Variants in TSHR observed in about 807,000 individuals in gnomAD.
TSHR encodes the protein thyrotropin receptor.
In TSHR, 51 loss-of-function variants were observed where a neutral mutation model predicts 64.1. The ratio of observed to expected loss-of-function variants is 0.80; its 90% CI spans 0.64 to 1.01. TSHR has a LOEUF of 1.01. Ranked by LOEUF, TSHR falls within the 50% of genes least tolerant of loss-of-function variation. The pLI is 0.00. For missense variants in TSHR, 877 were observed against 942.8 expected (o/e 0.93, Z 0.91); for synonymous variants, 361 against 361.9 (o/e 1.00, Z 0.03).
intron 1 of TSHR, chr14:81,050,278 C>T (rs1885363745): frequency 6.6e-6 from 1 of 152,194 alleles, no homozygotes; most frequent in African/African-American, 2.4e-5. Context: ...AAAGTTAAAT[C>T]AGTGTTCAGA....
intron 8 of TSHR, among the ~76,000 whole-genome samples, chr14:81,119,576 T>C (rs1450030931): frequency 8.2e-6 from 1 of 122,238 alleles, no homozygotes. Flanking sequence ...TTTACATTGT[T>C]GGTGGGACTG....
intron 1 of TSHR, among the ~76,000 whole-genome samples, chr14:81,002,058 C>T (rs1889353848): frequency 4.6e-5 from 7 of 152,130 alleles, no homozygotes; most frequent in Admixed American, 4.6e-4. Context: ...TTGGCCCAAA[C>T]TGACATGAGG....
chr14:81,003,472 T>C (rs1889447288), intron 1 of TSHR: 1 of 209,770 alleles, frequency 4.8e-6, no homozygotes, highest in African/African-American at 2.3e-5. Context: ...GTCAGAATGG[T>C]GCACGCTGTT....
intron 1 of TSHR, chr14:80,957,832 G>T (rs1162830807): frequency 6.6e-6 from 1 of 152,224 alleles, no homozygotes; most frequent in Non-Finnish European, 1.5e-5. Flanking sequence ...TCAACTAGGT[G>T]CTTTCTAGGT....
At chr14:81,110,489 G>A (rs1890179330) in intron 8 of TSHR, among the ~76,000 whole-genome samples, 1 of 152,216 alleles carries the variant, frequency 6.6e-6, no homozygotes, top group South Asian at 2.1e-4. Flanking sequence ...CTGACACTTT[G>A]ATCTTGGACT....
At chr14:81,101,395 A>G (rs1044171285) in intron 7 of TSHR, among the ~76,000 whole-genome samples, 7 of 152,282 alleles carry the variant, frequency 4.6e-5, no homozygotes, top group Non-Finnish European at 7.4e-5. Context: ...AATACAAACA[A>G]TGTATAATGA....
At chr14:81,061,966 GA>G (rs1566787330) in intron 1 of TSHR, among the ~76,000 whole-genome samples, 181 bp from the exon 2 acceptor site, 1 of 152,020 alleles carries the variant, frequency 6.6e-6, no homozygotes, top group African/African-American at 2.4e-5. Flanking sequence ...CTTATTGGGA[GA>G]AAAAAATGTG....
intron 1 of TSHR, among the ~76,000 whole-genome samples, chr14:81,028,831 C>T (rs1438746947): frequency 6.6e-6 from 1 of 151,916 alleles, no homozygotes; most frequent in Non-Finnish European, 1.5e-5. Context: ...AATAATCAGA[C>T]ATTTTACAAT....
intron 1 of TSHR, among the ~76,000 whole-genome samples, chr14:80,977,167 T>C (rs1310877183): frequency 6.6e-6 from 1 of 152,260 alleles, no homozygotes; most frequent in Non-Finnish European, 1.5e-5. Context: ...TGGAATTCTA[T>C]GTCTGTGGAT....
intron 1 of TSHR, among the ~76,000 whole-genome samples, chr14:80,990,708 G>A (rs1455156121): frequency 3.3e-5 from 5 of 151,958 alleles, no homozygotes; most frequent in Non-Finnish European, 5.9e-5. Flanking sequence ...AGGCTGGAGC[G>A]CAATGGCACA....
intron 8 of TSHR, among the ~76,000 whole-genome samples, chr14:81,127,817 C>T (rs1205592174): frequency 6.6e-6 from 1 of 152,210 alleles, no homozygotes; most frequent in Non-Finnish European, 1.5e-5. Context: ...TGTGAGTCCA[C>T]ATTGGGCAAC....
rs1462976412 is a variant in TSHR at position 80,999,929 on chromosome 14, TTTTTTC to T, written c.170+44085_170+44090del. 2.3e-4 allele frequency among the ~76,000 whole-genome samples: 35 copies of T among 149,392 alleles called. 1 individual carries two copies. Among genetic ancestry groups the T allele is most frequent in the Non-Finnish European group, 3.0e-5 (2 of 67,610 alleles). ...GGAAGACTACCAAATTTTTTTTCTT[TTTTTTC>T]TTTTTTTTTTTTTTGAGACAGACTC... On this transcript the variant is annotated intron_variant, in intron 1 of 9. Transcript: ENST00000298171.
intron 8 of TSHR, among the ~76,000 whole-genome samples, chr14:81,132,919 A>G (rs965384104): frequency 6.6e-6 from 1 of 152,228 alleles, no homozygotes; most frequent in Non-Finnish European, 1.5e-5. Context: ...ACTATTTAAA[A>G]ATCCTGGATT....
intron 1 of TSHR, among the ~76,000 whole-genome samples, chr14:81,055,212 T>C (rs1885699306): frequency 6.6e-6 from 1 of 152,176 alleles, no homozygotes; most frequent in South Asian, 2.1e-4. Context: ...CCACATGGTA[T>C]AGAGCCTGTG....
chr14:81,091,236 A>G, intron 5 of TSHR, 93 bp downstream of exon 5: 2 of 1,155,800 alleles, frequency 1.7e-6, no homozygotes, highest in South Asian at 1.2e-5. Context: ...AGATAAGTAA[A>G]GCAATTGTTT....
intron 1 of TSHR, among the ~76,000 whole-genome samples, chr14:81,017,169 A>G (rs1883459045): frequency 6.6e-6 from 1 of 152,232 alleles, no homozygotes; most frequent in South Asian, 2.1e-4. Context: ...GCGTTCCAAT[A>G]ATGGAACACT....
At chr14:81,094,679 ATTTTTT>A (rs1162262371) in intron 6 of TSHR, among the ~76,000 whole-genome samples, 4 of 76,242 alleles carry the variant, frequency 5.2e-5, no homozygotes, top group Admixed American at 4.0e-4. Flanking sequence ...TATTTTTTTA[ATTTTTT>A]TTTTTTTTTT....
intron 7 of TSHR, chr14:81,104,930 A>G: frequency 4.1e-6 from 4 of 985,446 alleles, no homozygotes; most frequent in South Asian, 9.4e-5. Flanking sequence ...TTATTTTTAA[A>G]GGAAATACCA....
At chr14:81,010,914 G>A (rs942370419) in intron 1 of TSHR, among the ~76,000 whole-genome samples, 10 of 150,508 alleles carry the variant, frequency 6.6e-5, no homozygotes, top group African/African-American at 1.7e-4. Context: ...TCTTTAGGTC[G>A]CTGCTGAGAA....
Sources: allele counts gnomAD v4.1 joint callset (sites outside exome capture counted in the v4.1 genomes callset), GRCh38; gene constraint gnomAD v4.1.1; transcripts MANE v1.5; gene names NCBI Gene and HGNC (gene_info 2026-07-23, HGNC 2026-07-21).